The following IDUA variants were observed in gnomAD, a reference collection of about 807,000 sequenced individuals.
IDUA encodes the protein alpha-L-iduronidase.
In IDUA, 65 loss-of-function variants were observed where a neutral mutation model predicts 68.9. The observed-to-expected ratio is 0.94, with a 90% CI of 0.77 to 1.16. The LOEUF is 1.16. Among genes scored for constraint, IDUA ranks in the 50% most tolerant of loss-of-function variants. The pLI, the probability that IDUA is intolerant of heterozygous loss-of-function variation, is 0.00. For missense variants in IDUA, 1,046 were observed against 938.0 expected, an observed-to-expected ratio of 1.12 and a Z score of -1.50; for synonymous variants, 529 against 433.6, an observed-to-expected ratio of 1.22 and a Z score of -2.73.
intron 2 of IDUA, chr4:991,877 GC>G: frequency 6.9e-7 from 1 of 1,441,418 alleles, no homozygotes; most frequent in Non-Finnish European, 9.4e-7. Context: ...GGCAGCGCGG[GC>G]CCCAGCCCCC....
At chr4:987,272 T>A (rs1713806130) in intron 1 of IDUA, 30 bp downstream of exon 1, 1 of 1,509,728 alleles carries the variant, frequency 6.6e-7, no homozygotes, top group Non-Finnish European at 8.8e-7. Context: ...CGGGACCCCC[T>A]GGCCGCACGG....
rs1364390826 is a variant in IDUA, at chr4:988,374, G to T, written c.299+425G>T. The T allele has an allele frequency of 1.1e-5, 12 of 1,067,542 alleles. No individual in the cohort carries two copies. The East Asian group carries it at 6.2e-4, about 55-fold the overall frequency. 66.1% of individuals were successfully genotyped at this position (1,067,542 alleles called of 1,614,324 possible). A position where few individuals can be genotyped will look rare whatever the true frequency, so the allele number is the denominator to read the frequency against. On this transcript the variant is annotated intron_variant, in intron 2 of 13. Coordinates refer to ENST00000514224, the MANE Select transcript of IDUA (RefSeq NM_000203.5). ...AGGTGTGAGGGGCACTTGGGTGTGT[G>T]GGGCCTTCTGGAAACACAGAGACCC... is the stretch of plus-strand genomic sequence containing the variant.
At chr4:998,266 C>A (rs959955063) in intron 2 of IDUA, among the ~76,000 whole-genome samples, 1 of 152,316 alleles carries the variant, frequency 6.6e-6, no homozygotes, top group Admixed American at 6.5e-5. Flanking sequence ...GCTGTAGACT[C>A]CTGCCAAGGC....
rs1018635006 is a variant in IDUA at position 1,001,397 on chromosome 4, C to T, written c.494-71C>T. 5 of 1,292,434 alleles carry T rather than the reference C, an allele frequency of 3.9e-6. No homozygotes were observed. The African/African-American group carries it at 5.8e-5, about 15-fold the overall frequency. The allele number at this position is 1,292,434 out of a possible 1,614,324, so 80.1% of individuals were successfully genotyped here. ...GAGTCAGACGCCCTTCATCACCTTG[C>T]ACCCTCCCTCCGTGGGAGTCACTGA... On this transcript the variant is annotated intron_variant, in intron 4 of 13. Transcript: ENST00000514224.
rs899366602 is a variant in IDUA, at chr4:1,003,027, G to A, written c.1403-9G>A. ...CGGGGAGCCGAGGCCTGAGTGTCAG[G>A]CCCCGCAGGCCTGGTCTACGTCACG... On this transcript the variant is annotated splice_polypyrimidine_tract_variant and intron_variant, in intron 9 of 13. Transcript: ENST00000514224. 6.8e-7 allele frequency: 1 copy of A among 1,480,612 alleles called. No homozygotes were observed. Among genetic ancestry groups the A allele is most frequent in the South Asian group, 1.3e-5 (1 of 76,396 alleles). 91.7% of individuals were successfully genotyped at this position (1,480,612 alleles called of 1,614,324 possible).
intron 2 of IDUA, chr4:991,861 TCTC>T (rs1376032365): frequency 2.0e-6 from 3 of 1,504,928 alleles, no homozygotes; most frequent in Non-Finnish European, 2.7e-6. Context: ...TGCTGGGCCT[TCTC>T]CTGGCAGCGC....
At chr4:987,746 G>A in intron 1 of IDUA, 63 bp from the exon 2 acceptor site, 1 of 1,605,878 alleles carries the variant, frequency 6.2e-7, no homozygotes, top group African/African-American at 1.3e-5. Flanking sequence ...TTGAACGTGT[G>A]TGTCAGCCGC....
chr4:1,004,027 C>G lies in IDUA; in HGVS notation c.1743C>G (p.Tyr581Ter), dbSNP rs776787370. 8.7e-6 allele frequency: 14 copies of G among 1,611,730 alleles called. No individual in the cohort carries two copies. The East Asian group carries it at 8.9e-5, about 10-fold the overall frequency. Residue 581 changes from tyrosine to a stop codon, truncating the protein, a stop_gained, in exon 13 of 14, where the codon TAC becomes TAG. Transcript: ENST00000514224. LOFTEE classifies it high-confidence loss of function. This position sits in a 1 kb window ranked among gnomAD's most constrained non-coding sequence, Gnocchi z 5.0. ...EHVGSKCLWT[Y>*]EIQFSQDGKA... ...ACCTCCCCAGGTGCCTGTGGACATA[C>G]GAGATCCAGTTCTCTCAGGACGGTA...
At chr4:1,002,641 G>T (rs1715167184) in intron 8 of IDUA, 91 bp from the exon 9 acceptor site, 3 of 1,186,658 alleles carry the variant, frequency 2.5e-6, no homozygotes, top group Admixed American at 5.0e-5. Flanking sequence ...TCACCAAGGG[G>T]AGGGGGAGCG....
intron 2 of IDUA, chr4:999,909 C>T (rs1428561916): frequency 5.9e-4 from 71 of 119,524 alleles, no homozygotes; most frequent in African/African-American, 2.4e-3. Context: ...AGTGGCAGGG[C>T]GGCCCCCTTC....
chr4:1,000,328 G>A (rs1386026887), intron 2 of IDUA, among the ~76,000 whole-genome samples: 1 of 152,240 alleles, frequency 6.6e-6, no homozygotes, highest in Non-Finnish European at 1.5e-5. Context: ...CTCGCGACTG[G>A]CCTGCCTCGT....
chr4:991,976 G>T, intron 2 of IDUA: 1 of 744,544 alleles, frequency 1.3e-6, no homozygotes, highest in Non-Finnish European at 2.3e-6. Flanking sequence ...CCATGCCATG[G>T]GGTGTGCTGA....
chr4:987,730 C>A, intron 1 of IDUA, 79 bp from the exon 2 acceptor site: 1 of 1,597,806 alleles, frequency 6.3e-7, no homozygotes, highest in South Asian at 1.1e-5. Context: ...CCGGGCAGTC[C>A]TGGGCTTGAA....
In IDUA at chr4:990,021, C is replaced by T. The variant is rs4690221; in HGVS notation, c.299+2072C>T. 0.41 allele frequency: 655,169 copies of T among 1,585,096 alleles called. 137,016 individuals carry two copies. The highest frequency in any genetic ancestry group is 0.53 in the Admixed American group (30,141 of 56,658). ...AGCGCTTGTGGAGCTGCCCGAAGTG[C>T]GACACGAGTGTGGCCACCACGATGA... On this transcript the variant is annotated intron_variant, in intron 2 of 13. Transcript: ENST00000514224.
In IDUA at chr4:1,002,721, C is replaced by CG; in HGVS notation, c.1190-11_1190-10insG. On this transcript the variant is annotated splice_polypyrimidine_tract_variant and intron_variant, in intron 8 of 13. Transcript: ENST00000514224. ...GACCCCACGCGGCGACGGCCCCCCC[C>CG]CGCCCCGCAGATGAGGAGCAGCTCT... 1 of 1,465,232 alleles carries CG rather than the reference C, an allele frequency of 6.8e-7. No individual in the cohort carries two copies. The highest frequency in any genetic ancestry group is 9.0e-7 in the Non-Finnish European group (1 of 1,106,004). The allele number at this position is 1,465,232 out of a possible 1,614,324, so 90.8% of individuals were successfully genotyped here. A position where few individuals can be genotyped will look rare whatever the true frequency, so the allele number is the denominator to read the frequency against.
At chr4:999,600 GGAA>G (rs1714954417) in intron 2 of IDUA, 2 of 151,850 alleles carry the variant, frequency 1.3e-5, no homozygotes, top group African/African-American at 2.4e-5. Context: ...CTGTCCCCTC[GGAA>G]TGCAGGCCTC....
At chr4:999,972 C>G (rs1714975610) in intron 2 of IDUA, 1 of 146,518 alleles carries the variant, frequency 6.8e-6, no homozygotes, top group Non-Finnish European at 1.5e-5. Context: ...GAATTCAGCC[C>G]CATCTGCAAG....
At chr4:1,002,995 G>T (rs1715200399) in intron 9 of IDUA, 41 bp from the exon 10 acceptor site, 9 of 1,425,846 alleles carry the variant, frequency 6.3e-6, no homozygotes, top group African/African-American at 1.5e-5. Context: ...CTCTGGAGGG[G>T]GCGGCCCGGG....
rs112884255 is a variant in IDUA at position 1,004,381 on chromosome 4, G to T, written c.1950G>T (p.Pro650=). 12 of 1,610,530 alleles carry T rather than the reference G, an allele frequency of 7.5e-6. No homozygotes were observed. The highest frequency in any genetic ancestry group is 6.7e-5 in the African/African-American group (5 of 74,984). The change falls in exon 14 of 14, where the codon CCG becomes CCT. Residue 650 remains proline, a synonymous_variant. Coordinates refer to ENST00000514224, the MANE Select transcript of IDUA (RefSeq NM_000203.5). This position sits in a 1 kb window ranked among gnomAD's most constrained non-coding sequence, Gnocchi z 5.0. ...CTGTGCCAAGAGGGCCCCCATCCCC[G>T]GGCAATCCATGAGCCTGTGCTGAGC... ...EVPVPRGPPS[P]GNP is the part of the protein sequence containing the mutation.
Sources: gnomAD v4.1 joint callset for allele counts (sites outside exome capture counted in the v4.1 genomes callset) on GRCh38, gnomAD v4.1.1 for gene constraint, Gnocchi (gnomAD v3.1) non-coding constraint, MANE v1.5 for transcripts, NCBI Gene and HGNC (gene_info 2026-07-23, HGNC 2026-07-21) for gene names.